Variants in CBLB observed in about 807,000 individuals in gnomAD.
CBLB encodes E3 ubiquitin-protein ligase CBL-B.
In CBLB, 31 loss-of-function variants were observed where a neutral mutation model predicts 104.9. The ratio of observed to expected loss-of-function variants is 0.30; its 90% CI spans 0.22 to 0.40. The LOEUF is 0.40. Ranked by LOEUF, CBLB falls within the 10% of genes least tolerant of loss-of-function variation. CBLB has a pLI of 1.00. For synonymous variants in CBLB, 440 were observed against 422.6 expected (o/e 1.04, Z -0.51); for missense variants, 1,062 against 1,214.6 (o/e 0.87, Z 1.87).
At chr3:105,712,612 ATCATT>A (rs896547941) in intron 10 of CBLB, among the ~76,000 whole-genome samples, 1 of 152,208 alleles carries the variant, frequency 6.6e-6, no homozygotes, top group African/African-American at 2.4e-5. Context: ...ATAATACTTA[ATCATT>A]TCAACTTAGT....
intron 13 of CBLB, among the ~76,000 whole-genome samples, chr3:105,692,101 T>C (rs1427799888): frequency 2.0e-5 from 3 of 152,194 alleles, no homozygotes; most frequent in Non-Finnish European, 2.9e-5. Flanking sequence ...TTGATATGTA[T>C]AGTGGGAGTT....
At position 105,670,281 on chromosome 3, in the gene CBLB, T is replaced by C. The variant is rs2064929336; in HGVS notation, c.2641A>G (p.Lys881Glu). 3 of 1,613,072 alleles carry C rather than the reference T, an allele frequency of 1.9e-6. No individual in the cohort carries two copies. The highest frequency in any genetic ancestry group is 2.5e-6 in the Non-Finnish European group (3 of 1,179,296). ...PARRLPGENVKTNRTSQDYDQ... is the reference protein window; with the variant it reads ...PARRLPGENVETNRTSQDYDQ... The stretch of plus-strand genomic sequence containing the variant: ...TAGTCCTGTGATGTTCTGTTAGTTT[T>C]GACATTTTCACCTGGTAACCTTCTA... The change falls in exon 18 of 19, where the codon AAA becomes GAA. Residue 881 changes from lysine to glutamate, a missense_variant. Physicochemically the swap from Lys to Glu is moderately conservative, Grantham distance 56 (BLOSUM62 1). This residue lies in a region of CBLB where 605 missense variants were observed against 582.6 expected (regional missense o/e 1.04). Transcript: ENST00000394030.
intron 4 of CBLB, among the ~76,000 whole-genome samples, chr3:105,770,622 A>G (rs2078761989): frequency 6.6e-6 from 1 of 152,162 alleles, no homozygotes; most frequent in Non-Finnish European, 1.5e-5. Flanking sequence ...AGTTGCGGCA[A>G]GTGGGAAGTG....
intron 9 of CBLB, among the ~76,000 whole-genome samples, chr3:105,722,422 C>T (rs1162806290): frequency 6.6e-6 from 1 of 152,188 alleles, no homozygotes; most frequent in Non-Finnish European, 1.5e-5. Context: ...CAACAATTAT[C>T]AATTCATCCC....
At chr3:105,779,839 A>G (rs1301582959) in intron 3 of CBLB, among the ~76,000 whole-genome samples, 1 of 151,814 alleles carries the variant, frequency 6.6e-6, no homozygotes, top group East Asian at 1.9e-4. Flanking sequence ...TCCCCATCCC[A>G]CTATGCATCC....
chr3:105,657,774 A>C lies in CBLB; in HGVS notation c.*1196T>G, dbSNP rs2063444982. ...AGCAGTGTGGAGCAATGAATGAGAGAATCTGCAAATTAAATATGAACTCTA... is the reference window on the plus strand; with the variant it reads ...AGCAGTGTGGAGCAATGAATGAGAGCATCTGCAAATTAAATATGAACTCTA... On this transcript the variant is annotated 3_prime_UTR_variant, in exon 19 of 19. Coordinates refer to ENST00000394030, the MANE Select transcript of CBLB (RefSeq NM_170662.5). 1 of 205,968 alleles carries C rather than the reference A, an allele frequency of 4.9e-6. No individual in the cohort carries two copies. Among genetic ancestry groups the C allele is most frequent in the African/African-American group, 2.3e-5 (1 of 43,896 alleles). The allele number at this position is 205,968 out of a possible 1,614,324, so 12.8% of individuals were successfully genotyped here.
At chr3:105,800,371 A>G (rs2082705989) in intron 3 of CBLB, among the ~76,000 whole-genome samples, 2 of 152,278 alleles carry the variant, frequency 1.3e-5, no homozygotes, top group South Asian at 4.1e-4. Flanking sequence ...TCTAACACAC[A>G]ACGAATCCCA....
At chr3:105,665,109 G>A (rs9883858) in intron 18 of CBLB, among the ~76,000 whole-genome samples, 33,380 of 151,880 alleles carry the variant, frequency 0.22, 3,772 homozygotes, top group Admixed American at 0.25. Flanking sequence ...GACATTAATA[G>A]TATCTATTTC....
intron 17 of CBLB, among the ~76,000 whole-genome samples, chr3:105,675,103 T>C (rs1431863928): frequency 1.4e-5 from 2 of 143,514 alleles, no homozygotes; most frequent in Non-Finnish European, 3.2e-5. Context: ...TATAATATCA[T>C]GAGAAAATTC....
chr3:105,709,380 T>G (rs887555539), intron 10 of CBLB, among the ~76,000 whole-genome samples: 1 of 151,888 alleles, frequency 6.6e-6, no homozygotes, highest in East Asian at 1.9e-4. Flanking sequence ...TGTCCTTGTA[T>G]CTTTTCAATT....
chr3:105,710,014 G>A (rs1297988270), intron 10 of CBLB, among the ~76,000 whole-genome samples: 2 of 151,938 alleles, frequency 1.3e-5, no homozygotes, highest in Non-Finnish European at 2.9e-5. Context: ...TGTTGGACAT[G>A]TGTACTTCTT....
intron 3 of CBLB, among the ~76,000 whole-genome samples, chr3:105,793,191 G>A (rs1419804047): frequency 6.6e-6 from 1 of 152,068 alleles, no homozygotes; most frequent in Non-Finnish European, 1.5e-5. Flanking sequence ...ACAGAACAAG[G>A]CCAGAGAGTG....
chr3:105,718,040 T>C lies in CBLB; in HGVS notation c.1407+2007A>G, dbSNP rs1453328485. The stretch of plus-strand genomic sequence containing the variant: ...TGCCTAGCATGCCATTACTACTCTG[T>C]AGCAGAACTGGTGCTTTATTCCACG... On this transcript the variant is annotated intron_variant, in intron 10 of 18. Coordinates refer to ENST00000394030, the MANE Select transcript of CBLB (RefSeq NM_170662.5). Among the ~76,000 whole-genome samples, 3 of 152,166 alleles carry C rather than the reference T, an allele frequency of 2.0e-5. No individual in the cohort carries two copies. In the South Asian group the frequency reaches 6.2e-4, roughly 32 times the overall value.
At chr3:105,705,700 G>A (rs1165659915) in intron 10 of CBLB, among the ~76,000 whole-genome samples, 6 of 152,132 alleles carry the variant, frequency 3.9e-5, no homozygotes, top group Non-Finnish European at 7.4e-5. Flanking sequence ...TTACCTGACC[G>A]TGGTATTGTT....
At chr3:105,793,925 T>C (rs1488850581) in intron 3 of CBLB, among the ~76,000 whole-genome samples, 2 of 152,212 alleles carry the variant, frequency 1.3e-5, no homozygotes, top group Non-Finnish European at 2.9e-5. Flanking sequence ...TAGTTATTCA[T>C]CTATGAATAT....
chr3:105,755,505 T>TTA (rs1553768484), intron 4 of CBLB, among the ~76,000 whole-genome samples: 45 of 146,888 alleles, frequency 3.1e-4, no homozygotes, highest in African/African-American at 1.1e-3. Context: ...TGATTTCTTT[T>TTA]AAAAAAAAAA....
rs778178013 is a variant in CBLB at position 105,685,426 on chromosome 3, T to C, written c.2095A>G (p.Arg699Gly). 4.3e-6 allele frequency: 7 copies of C among 1,613,382 alleles called. No individual in the cohort carries two copies. Among genetic ancestry groups the C allele is most frequent in the Non-Finnish European group, 5.9e-6 (7 of 1,179,412 alleles). ...TCATCATCTTCCTCTACTGGGTCTC[T>C]TGTTTTCTCTGAAAGAGAATTTGCT... is the stretch of plus-strand genomic sequence containing the variant. ...PLANSLSEKT[R>G]DPVEEDDDEY... The change falls in exon 14 of 19, where the codon AGA becomes GGA. Residue 699 changes from arginine to glycine, a missense_variant. Around this residue, in one of 2 missense-constraint regions of CBLB, gnomAD observed 605 missense variants for 582.6 expected, o/e 1.04. Coordinates refer to ENST00000394030, the MANE Select transcript of CBLB (RefSeq NM_170662.5).
At position 105,771,136 on chromosome 3, in the gene CBLB, A is replaced by G. The variant is rs143892101; in HGVS notation, c.566+5260T>C. Among the ~76,000 whole-genome samples, 718 of 152,342 alleles carry G rather than the reference A, an allele frequency of 4.7e-3. 20 individuals are homozygous for G. The highest frequency in any genetic ancestry group is 0.042 in the Admixed American group (636 of 15,308). ...AATATCTCTGATGAACATAGATGCA[A>G]AAATCCTCAACAAAATACTAGCTAA... On this transcript the variant is annotated intron_variant, in intron 4 of 18. Transcript: ENST00000394030.
At chr3:105,669,188 C>T (rs565040326) in intron 18 of CBLB, among the ~76,000 whole-genome samples, 1 of 152,118 alleles carries the variant, frequency 6.6e-6, no homozygotes, top group African/African-American at 2.4e-5. Context: ...GAATGTCTGT[C>T]CCCTTTTCCC....
Sources: gnomAD v4.1 joint callset for allele counts (sites outside exome capture counted in the v4.1 genomes callset) on GRCh38, gnomAD v4.1.1 for gene constraint, gnomAD v4.1.1 regional missense constraint, MANE v1.5 for transcripts, NCBI Gene and HGNC (gene_info 2026-07-23, HGNC 2026-07-21) for gene names.